Variants in MGST1 observed in about 807,000 individuals in gnomAD.
MGST1 encodes glutathione S-transferase 12.
Under a neutral mutation model 8.9 loss-of-function variants are expected in MGST1, and 5 were observed. The observed-to-expected ratio is 0.56, with a 90% CI of 0.29 to 1.19. MGST1 has a LOEUF of 1.19. Among genes scored for constraint, MGST1 ranks in the 50% most tolerant of loss-of-function variants. MGST1 has a pLI of 0.08. For synonymous variants in MGST1, 54 were observed against 67.8 expected (o/e 0.80, Z 1.00); for missense variants, 182 against 187.4 (o/e 0.97, Z 0.17).
chr12:16,495,065 T>G (rs945423754), intron 4 of MGST1, among the ~76,000 whole-genome samples: 1 of 152,144 alleles, frequency 6.6e-6, no homozygotes, highest in African/African-American at 2.4e-5. Context: ...TGAGGCTTTG[T>G]TTCTTTAATA....
chr12:16,536,193 T>A (rs1317945990), intron 4 of MGST1, among the ~76,000 whole-genome samples: 3 of 152,008 alleles, frequency 2.0e-5, no homozygotes, highest in Non-Finnish European at 2.9e-5. Flanking sequence ...TTAGGAAGTC[T>A]ATGAGATATA....
At position 16,537,996 on chromosome 12, in the gene MGST1, C is replaced by G. The variant is rs190365990; in HGVS notation, n.483-51532C>G. ...ATTTCTTCTCAAAAAATGGGTTGTTCTTTTCTACTGCATCATCTGGCTGCA... is the reference window on the plus strand; with the variant it reads ...ATTTCTTCTCAAAAAATGGGTTGTTGTTTTCTACTGCATCATCTGGCTGCA... On this transcript the variant is annotated intron_variant and non_coding_transcript_variant, in intron 4 of 4. Transcript: ENST00000538857. This position sits in a 1 kb window ranked among gnomAD's most constrained non-coding sequence, Gnocchi z 4.6. 6.6e-6 allele frequency among the ~76,000 whole-genome samples: 1 copy of G among 152,276 alleles called. No homozygotes were observed. Among genetic ancestry groups the G allele is most frequent in the East Asian group, 1.9e-4 (1 of 5,184 alleles).
Position 16,401,447 on chromosome 12 carries a change from A to G in MGST1, n.778+17843A>G, listed in dbSNP as rs1048181519. ...TTAGCCACGTCCATGACAGCATTAT[A>G]TACATCACATATCTTCACACCATGT... is the stretch of plus-strand genomic sequence containing the variant. On this transcript the variant is annotated intron_variant and non_coding_transcript_variant, in intron 1 of 1. Transcript: ENST00000359720. The surrounding 1 kb of genome is among the most constrained non-coding windows in gnomAD (Gnocchi z 4.3). The G allele has an allele frequency of 3.5e-5, 29 of 834,752 alleles. 1 individual carries two copies. Among genetic ancestry groups the G allele is most frequent in the South Asian group, 1.4e-5 (1 of 73,548 alleles). The allele number at this position is 834,752 out of a possible 1,614,324, so 51.7% of individuals were successfully genotyped here. A position where few individuals can be genotyped will look rare whatever the true frequency, so the allele number is the denominator to read the frequency against.
At chr12:16,473,472 GAATTA>G (rs1941300993) in intron 4 of MGST1, among the ~76,000 whole-genome samples, 1 of 152,148 alleles carries the variant, frequency 6.6e-6, no homozygotes, top group African/African-American at 2.4e-5. Context: ...GGTTTACTAT[GAATTA>G]AATTAAGCAT....
In MGST1 at chr12:16,523,362, AAGAC is replaced by A. The variant is rs572868646; in HGVS notation, n.483-66162_483-66159del. Reference sequence around the variant, plus strand: ...TCATCAGTAAAATTGGGGAGTTTAAAAGACAGATTGTTTTCTAGGTGTAAAATAT... The same window carrying A: ...TCATCAGTAAAATTGGGGAGTTTAAAAGATTGTTTTCTAGGTGTAAAATAT... On this transcript the variant is annotated intron_variant and non_coding_transcript_variant, in intron 4 of 4. Transcript: ENST00000538857. Among the ~76,000 whole-genome samples the A allele has an allele frequency of 5.9e-4, 90 of 152,182 alleles. 1 individual carries two copies. The highest frequency in any genetic ancestry group is 2.5e-3 in the Admixed American group (38 of 15,252).
chr12:16,407,957 G>C (rs981936445), intron 1 of MGST1, among the ~76,000 whole-genome samples: 1 of 149,860 alleles, frequency 6.7e-6, no homozygotes, highest in Non-Finnish European at 1.5e-5. Context: ...GCTTGAACTC[G>C]GGAGGTGGAG....
At chr12:16,420,925 C>T (rs796248083) in intron 1 of MGST1, among the ~76,000 whole-genome samples, 4 of 152,252 alleles carry the variant, frequency 2.6e-5, no homozygotes, top group African/African-American at 9.6e-5. Flanking sequence ...TCGGATTGAT[C>T]TCTTTTACTG....
intron 1 of MGST1, among the ~76,000 whole-genome samples, chr12:16,414,803 A>G (rs576842080): frequency 6.6e-6 from 1 of 152,228 alleles, no homozygotes; most frequent in East Asian, 1.9e-4. Context: ...CTGGCAGATC[A>G]CTTGAGGTCA....
intron 4 of MGST1, among the ~76,000 whole-genome samples, chr12:16,447,010 T>G (rs1251545072): frequency 2.0e-5 from 3 of 152,058 alleles, no homozygotes; most frequent in Non-Finnish European, 1.5e-5. Context: ...CCTATTTCCC[T>G]AAGCCTCTCT....
chr12:16,549,190 A>C (rs1452031293), intron 4 of MGST1: 2 of 152,018 alleles, frequency 1.3e-5, no homozygotes, highest in African/African-American at 4.8e-5. Context: ...CATATTTTTA[A>C]TTTGTCTTGC....
intron 4 of MGST1, among the ~76,000 whole-genome samples, chr12:16,467,242 C>T (rs1169978020): frequency 6.6e-6 from 1 of 152,164 alleles, no homozygotes; most frequent in East Asian, 1.9e-4. Context: ...ATACATGTAA[C>T]AATTTATTAT....
chr12:16,574,014 T>TGCTTCTCC (rs1942913186), intron 4 of MGST1: 1 of 152,246 alleles, frequency 6.6e-6, no homozygotes, highest in Non-Finnish European at 1.5e-5. Context: ...GCCTAATTGC[T>TGCTTCTCC]GCTTCTCCGC....
At chr12:16,466,935 T>C (rs1048594468) in intron 4 of MGST1, among the ~76,000 whole-genome samples, 2 of 152,146 alleles carry the variant, frequency 1.3e-5, no homozygotes, top group Admixed American at 6.5e-5. Context: ...CCCAGTTTTA[T>C]GTAACTTATA....
intron 4 of MGST1, among the ~76,000 whole-genome samples, chr12:16,502,037 C>A (rs1373929594): frequency 2.0e-5 from 3 of 152,204 alleles, no homozygotes; most frequent in African/African-American, 7.2e-5. Flanking sequence ...GAAGCAATGT[C>A]TACAGCTCAA....
chr12:16,553,556 G>A (rs925984456), intron 4 of MGST1, among the ~76,000 whole-genome samples: 1 of 152,068 alleles, frequency 6.6e-6, no homozygotes, highest in East Asian at 1.9e-4. Context: ...TGGATAAAGT[G>A]CATTTTATAT....
At chr12:16,574,047 A>C (rs1207654657) in intron 4 of MGST1, 1 of 152,132 alleles carries the variant, frequency 6.6e-6, no homozygotes, top group Non-Finnish European at 1.5e-5. Context: ...CCGAAGTAAC[A>C]AATGTGTCCA....
intron 4 of MGST1, among the ~76,000 whole-genome samples, chr12:16,563,035 A>G (rs1180379464): frequency 6.6e-6 from 1 of 152,120 alleles, no homozygotes; most frequent in Admixed American, 6.6e-5. Flanking sequence ...TTCAGATAAA[A>G]TTTTCTTCTT....
chr12:16,441,463 T>C (rs139040382), downstream of MGST1, among the ~76,000 whole-genome samples: 3 of 151,974 alleles, frequency 2.0e-5, no homozygotes, highest in Admixed American at 6.6e-5. Context: ...AGTTTTGCCA[T>C]TTAAAAAATC....
chr12:16,446,768 A>G (rs1292811810), intron 4 of MGST1, among the ~76,000 whole-genome samples: 2 of 151,794 alleles, frequency 1.3e-5, no homozygotes, highest in Non-Finnish European at 2.9e-5. Context: ...GAAGAGAGCC[A>G]CCACTGAACT....
Sources: allele counts gnomAD v4.1 joint callset (sites outside exome capture counted in the v4.1 genomes callset), GRCh38; gene constraint gnomAD v4.1.1; non-coding constraint Gnocchi (gnomAD v3.1); transcripts MANE v1.5; gene names NCBI Gene and HGNC (gene_info 2026-07-23, HGNC 2026-07-21).